VIPR2: variants seen among roughly 807,000 people sequenced by gnomAD.
The protein encoded by VIPR2 is vasoactive intestinal peptide receptor 2, also known as vasoactive intestinal polypeptide receptor 2.
VIPR2 carries 48 observed loss-of-function variants against 58.0 expected under a neutral mutation model. The observed-to-expected ratio is 0.83, with a 90% confidence interval of 0.66 to 1.05. The LOEUF (loss-of-function observed/expected upper bound fraction) is 1.05, where lower values mean the gene tolerates loss of function less well. VIPR2 is among the 50% of genes least tolerant of loss of function. The pLI is 0.00. For missense variants in VIPR2, 534 were observed against 558.0 expected, an observed-to-expected ratio of 0.96 and a Z score of 0.43; for synonymous variants, 243 against 235.2, an observed-to-expected ratio of 1.03 and a Z score of -0.30.
intron 1 of VIPR2, chr7:159,144,318 C>A: frequency 1.3e-6 from 2 of 1,519,766 alleles, no homozygotes; most frequent in East Asian, 2.5e-5. Flanking sequence ...AGGGAGGGAC[C>A]GAGAGGCATC....
intron 4 of VIPR2, among the ~76,000 whole-genome samples, chr7:159,084,874 C>T (rs1390325241): frequency 2.0e-5 from 3 of 152,152 alleles, no homozygotes; most frequent in East Asian, 1.9e-4. Flanking sequence ...TTTTAGACAC[C>T]GTCAGAAACC....
chr7:159,109,537 G>A (rs1795905969), intron 3 of VIPR2, among the ~76,000 whole-genome samples: 1 of 152,176 alleles, frequency 6.6e-6, no homozygotes, highest in African/African-American at 2.4e-5. Flanking sequence ...CCCCTCTCAT[G>A]CACGTTTCCC....
intron 4 of VIPR2, among the ~76,000 whole-genome samples, chr7:159,062,136 C>G (rs1484560514): frequency 6.6e-6 from 1 of 152,150 alleles, no homozygotes; most frequent in Admixed American, 6.5e-5. Flanking sequence ...CCAACAGGGA[C>G]TTGATGGGGG....
At position 159,099,326 on chromosome 7, in the gene VIPR2, G is replaced by T. The variant is rs995643874; in HGVS notation, c.357+4431C>A. Among the ~76,000 whole-genome samples, 1 of 152,178 alleles carries T rather than the reference G, an allele frequency of 6.6e-6. No homozygotes were observed. The highest frequency in any genetic ancestry group is 1.5e-5 in the Non-Finnish European group (1 of 68,034). Reference sequence around the variant, plus strand: ...GGGATCACAGAGCCACTATGCTCACGCAGGCAGGGTTTACTTACAGGCCTC... The same window carrying T: ...GGGATCACAGAGCCACTATGCTCACTCAGGCAGGGTTTACTTACAGGCCTC... On this transcript the variant is annotated intron_variant, in intron 4 of 12. Transcript: ENST00000262178. The surrounding 1 kb of genome is among the most constrained non-coding windows in gnomAD (Gnocchi z 4.2).
At chr7:159,104,014 C>A (rs1329437488) in intron 3 of VIPR2, among the ~76,000 whole-genome samples, 160 bp from the exon 4 acceptor site, 1 of 152,208 alleles carries the variant, frequency 6.6e-6, no homozygotes, top group African/African-American at 2.4e-5. Flanking sequence ...CCTTGCCCTC[C>A]TAGTCCATGT....
At chr7:159,119,929 G>A (rs1016962693) in intron 2 of VIPR2, among the ~76,000 whole-genome samples, 6 of 151,268 alleles carry the variant, frequency 4.0e-5, no homozygotes, top group African/African-American at 1.5e-4. Context: ...CTGGTAGGTG[G>A]GGTCGGAAGA....
intron 2 of VIPR2, among the ~76,000 whole-genome samples, chr7:159,136,850 A>G (rs1047697419): frequency 3.6e-4 from 55 of 152,220 alleles, no homozygotes; most frequent in Non-Finnish European, 7.3e-5. Flanking sequence ...GTGGAGAAGC[A>G]GCCGCCACTC....
At chr7:159,047,928 T>G (rs1854751443) in intron 5 of VIPR2, among the ~76,000 whole-genome samples, 1 of 152,222 alleles carries the variant, frequency 6.6e-6, no homozygotes, top group African/African-American at 2.4e-5. Context: ...ATATAATTTA[T>G]GTTTTCTCAG....
chr7:159,033,250 C>T (rs1328533755), intron 10 of VIPR2, among the ~76,000 whole-genome samples: 1 of 152,178 alleles, frequency 6.6e-6, no homozygotes, highest in East Asian at 1.9e-4. Flanking sequence ...TGGCCATGCT[C>T]CTGTCTAACC....
At chr7:159,064,205 G>C (rs1304873357) in intron 4 of VIPR2, among the ~76,000 whole-genome samples, 2 of 152,054 alleles carry the variant, frequency 1.3e-5, no homozygotes, top group Non-Finnish European at 2.9e-5. Flanking sequence ...GCGGCCCCAC[G>C]CGCCGGGCCA....
At chr7:159,102,724 G>A (rs1858375979) in intron 4 of VIPR2, among the ~76,000 whole-genome samples, 1 of 152,200 alleles carries the variant, frequency 6.6e-6, no homozygotes, top group Non-Finnish European at 1.5e-5. Context: ...GGAGGGGCAG[G>A]CGGAGCAGGG....
At position 159,097,119 on chromosome 7, in the gene VIPR2, C is replaced by A. The variant is rs1023148716; in HGVS notation, c.357+6638G>T. The A allele has an allele frequency of 3.6e-5, 54 of 1,483,654 alleles. No homozygotes were observed. Among genetic ancestry groups the A allele is most frequent in the Non-Finnish European group, 4.8e-5 (53 of 1,109,064 alleles). 91.9% of individuals were successfully genotyped at this position (1,483,654 alleles called of 1,614,324 possible). On this transcript the variant is annotated intron_variant, in intron 4 of 12. Coordinates refer to ENST00000262178, the MANE Select transcript of VIPR2 (RefSeq NM_003382.5). The surrounding 1 kb of genome is among the most constrained non-coding windows in gnomAD (Gnocchi z 5.3). ...GTTGCAGGAGGGTTGGCGGGATGAT[C>A]AGATGGTGCCTCCCACAAAGGCATC...
intron 6 of VIPR2, among the ~76,000 whole-genome samples, chr7:159,042,317 C>T (rs1431623213): frequency 6.6e-6 from 1 of 152,096 alleles, no homozygotes; most frequent in Non-Finnish European, 1.5e-5. Context: ...AGATGCCGAG[C>T]ATGTGGAGTG....
chr7:159,135,004 GTTTTTTTTTTT>G (rs747914292), intron 2 of VIPR2, among the ~76,000 whole-genome samples: 1 of 65,992 alleles, frequency 1.5e-5, no homozygotes, highest in African/African-American at 6.5e-5. Flanking sequence ...AATTACAAAA[GTTTTTTTTTTT>G]TTTTTTTTTT....
At chr7:159,101,602 C>T (rs1460312221) in intron 4 of VIPR2, among the ~76,000 whole-genome samples, 6 of 137,412 alleles carry the variant, frequency 4.4e-5, no homozygotes, top group Admixed American at 7.2e-5. Flanking sequence ...GAGGCGGTTC[C>T]GACCGTTCCT....
intron 4 of VIPR2, among the ~76,000 whole-genome samples, chr7:159,063,674 T>G (rs1855861216): frequency 7.2e-6 from 1 of 139,822 alleles, no homozygotes; most frequent in African/African-American, 2.7e-5. Flanking sequence ...GCCAGCATGC[T>G]GTCACCTCTC....
chr7:159,140,653 G>A (rs143484225), intron 2 of VIPR2, among the ~76,000 whole-genome samples: 1 of 152,362 alleles, frequency 6.6e-6, no homozygotes, highest in East Asian at 1.9e-4. Flanking sequence ...AAAGCCGAGT[G>A]ACAAGTTTCC....
At chr7:159,041,575 T>TGGGTCCTGAGGGTCTGTAAC (rs1554499886) in intron 6 of VIPR2, among the ~76,000 whole-genome samples, 13 of 10,108 alleles carry the variant, frequency 1.3e-3, no homozygotes, top group Admixed American at 4.3e-3. Flanking sequence ...GGGTCTGTCA[T>TGGGTCCTGAGGGTCTGTAAC]GGGTCCTGAG....
At chr7:159,053,870 A>C (rs1855147797) in intron 5 of VIPR2, among the ~76,000 whole-genome samples, 1 of 152,260 alleles carries the variant, frequency 6.6e-6, no homozygotes, top group South Asian at 2.1e-4. Context: ...ACGGCAATTG[A>C]CATTAAAAGT....
Sources: allele counts gnomAD v4.1 joint callset (sites outside exome capture counted in the v4.1 genomes callset), GRCh38; gene constraint gnomAD v4.1.1; non-coding constraint Gnocchi (gnomAD v3.1); transcripts MANE v1.5; gene names NCBI Gene and HGNC (gene_info 2026-07-23, HGNC 2026-07-21).